Variants in MAP2K6 observed in about 807,000 individuals in gnomAD.
The protein encoded by MAP2K6 is mitogen-activated protein kinase kinase 6.
A neutral mutation model predicts 53.7 loss-of-function variants in MAP2K6; 16 were observed. The observed-to-expected ratio is 0.30, with a 90% CI of 0.20 to 0.45. The LOEUF is 0.45. Among genes scored for constraint, MAP2K6 ranks in the 20% least tolerant of loss-of-function variants. MAP2K6 has a pLI of 1.00. For synonymous variants in MAP2K6, 132 were observed against 143.1 expected, an observed-to-expected ratio of 0.92 and a Z score of 0.55; for missense variants, 204 against 411.9, an observed-to-expected ratio of 0.50 and a Z score of 4.37.
In MAP2K6 at chr17:69,543,028, A is replaced by G. The variant is rs1194342305; in HGVS notation, c.*1275A>G. On this transcript the variant is annotated 3_prime_UTR_variant, in exon 12 of 12. Transcript: ENST00000590474. ...GCAATAGCTGGCTCCTCTATAGGAG[A>G]TGAGCTTCATTGGGAGTTCCTAGCA... is the stretch of plus-strand genomic sequence containing the variant. 6.6e-6 allele frequency: 1 copy of G among 152,186 alleles called. No individual in the cohort carries two copies. The highest frequency in any genetic ancestry group is 1.5e-5 in the Non-Finnish European group (1 of 68,038). The allele number at this position is 152,186 out of a possible 1,614,324, so 9.4% of individuals were successfully genotyped here. A position where few individuals can be genotyped will look rare whatever the true frequency, so the allele number is the denominator to read the frequency against.
intron 1 of MAP2K6, among the ~76,000 whole-genome samples, chr17:69,484,269 G>A (rs1479014290): frequency 6.6e-6 from 1 of 151,824 alleles, no homozygotes; most frequent in Non-Finnish European, 1.5e-5. Context: ...AATGAGTGAA[G>A]GATTTGAACA....
chr17:69,485,032 A>C (rs184722008), intron 1 of MAP2K6, among the ~76,000 whole-genome samples: 8 of 152,282 alleles, frequency 5.3e-5, no homozygotes, highest in Admixed American at 1.3e-4. Flanking sequence ...ACAGCTCTGA[A>C]TATTCTAAAA....
Position 69,520,386 on chromosome 17 carries a change from T to G in MAP2K6, c.483T>G (p.Ser161=). Residue 161 remains serine, a splice_region_variant and synonymous_variant, in exon 6 of 12, where the codon TCT becomes TCG. Transcript: ENST00000590474. The stretch of plus-strand genomic sequence containing the variant: ...ACATCTTAGGGAAAATAGCAGTTTC[T>G]GTGAGTACATTTTGATCCCTACTGC... ...PEDILGKIAV[S]IVKALEHLHS... 6.4e-7 allele frequency: 1 copy of G among 1,555,950 alleles called. No homozygotes were observed. Among genetic ancestry groups the G allele is most frequent in the Non-Finnish European group, 8.8e-7 (1 of 1,132,934 alleles).
chr17:69,542,686 A>G lies in MAP2K6; in HGVS notation c.*933A>G, dbSNP rs1236622667. ...AGCATCTCTGTTTGGTAAGGAGGACAATTGTCAGTTTTGAGGGGGACATGT... is the reference window on the plus strand; with the variant it reads ...AGCATCTCTGTTTGGTAAGGAGGACGATTGTCAGTTTTGAGGGGGACATGT... On this transcript the variant is annotated 3_prime_UTR_variant, in exon 12 of 12. Coordinates refer to ENST00000590474, the MANE Select transcript of MAP2K6 (RefSeq NM_002758.4). 4 of 152,222 alleles carry G rather than the reference A, an allele frequency of 2.6e-5. No individual in the cohort carries two copies. The highest frequency in any genetic ancestry group is 2.6e-4 in the Admixed American group (4 of 15,282). 9.4% of individuals were successfully genotyped at this position (152,222 alleles called of 1,614,324 possible).
At chr17:69,415,123 G>C in intron 1 of MAP2K6, 123 bp downstream of exon 1, 1 of 869,864 alleles carries the variant, frequency 1.1e-6, no homozygotes. Context: ...CAGCTCAGTT[G>C]CATTTCCTGT....
chr17:69,485,413 T>C, intron 1 of MAP2K6: 2 of 934,144 alleles, frequency 2.1e-6, no homozygotes, highest in Non-Finnish European at 2.6e-6. Context: ...GTTGTTTGCC[T>C]GTTTGAATTT....
chr17:69,420,800 A>G (rs566940045), intron 1 of MAP2K6, among the ~76,000 whole-genome samples: 4 of 152,054 alleles, frequency 2.6e-5, no homozygotes, highest in African/African-American at 9.6e-5. Context: ...TTTTGTTGGG[A>G]GCAGTCTGGC....
intron 2 of MAP2K6, among the ~76,000 whole-genome samples, chr17:69,508,752 A>G (rs1261479031): frequency 6.6e-6 from 1 of 152,204 alleles, no homozygotes; most frequent in Non-Finnish European, 1.5e-5. Flanking sequence ...TGCATTTTGC[A>G]TTTAAGCCCA....
At chr17:69,447,384 C>T (rs766770849) in intron 1 of MAP2K6, among the ~76,000 whole-genome samples, 1 of 151,830 alleles carries the variant, frequency 6.6e-6, no homozygotes, top group African/African-American at 2.4e-5. Flanking sequence ...CTTGCTCTGT[C>T]GCCCAGATTG....
chr17:69,475,481 A>T (rs1908121629), intron 1 of MAP2K6, among the ~76,000 whole-genome samples: 1 of 152,134 alleles, frequency 6.6e-6, no homozygotes, highest in African/African-American at 2.4e-5. Context: ...TGTTTGTTTA[A>T]AAATGAAAAT....
intron 1 of MAP2K6, among the ~76,000 whole-genome samples, chr17:69,491,088 A>G (rs910277006): frequency 1.4e-5 from 2 of 146,876 alleles, no homozygotes; most frequent in East Asian, 2.2e-4. Context: ...TTCGTGGTGT[A>G]TATGTACCAC....
chr17:69,465,809 G>A (rs916193523), intron 1 of MAP2K6, among the ~76,000 whole-genome samples: 15 of 151,108 alleles, frequency 9.9e-5, no homozygotes, highest in African/African-American at 3.6e-4. Flanking sequence ...AGTAGAGATG[G>A]GATCTCACCA....
At chr17:69,490,109 G>T (rs547233993) in intron 1 of MAP2K6, among the ~76,000 whole-genome samples, 1 of 152,256 alleles carries the variant, frequency 6.6e-6, no homozygotes, top group East Asian at 1.9e-4. Flanking sequence ...TTTCTTGTTG[G>T]TAGGGAACAT....
At chr17:69,499,834 T>C (rs540250065) in intron 1 of MAP2K6, among the ~76,000 whole-genome samples, 159 of 152,094 alleles carry the variant, frequency 1.0e-3, no homozygotes, top group African/African-American at 3.7e-3. Flanking sequence ...GGAGATCTAT[T>C]GTAGAGAGAG....
At position 69,428,960 on chromosome 17, in the gene MAP2K6, G is replaced by A. The variant is rs373025284; in HGVS notation, c.16+13960G>A. Among the ~76,000 whole-genome samples the A allele has an allele frequency of 6.9e-3, 724 of 104,648 alleles. 3 individuals are homozygous for A. Among genetic ancestry groups the A allele is most frequent in the Non-Finnish European group, 8.9e-3 (436 of 49,100 alleles). The allele number at this position is 104,648 out of a possible 152,430, so 68.7% of individuals were successfully genotyped here. ...CACACACACACACACACACACACAC[G>A]TTGTTGTATTGATTCCCAAAACTGA... On this transcript the variant is annotated intron_variant, in intron 1 of 11. Coordinates refer to ENST00000590474, the MANE Select transcript of MAP2K6 (RefSeq NM_002758.4).
At chr17:69,483,697 C>G (rs1908425987) in intron 1 of MAP2K6, among the ~76,000 whole-genome samples, 1 of 152,082 alleles carries the variant, frequency 6.6e-6, no homozygotes, top group African/African-American at 2.4e-5. Context: ...GATTTCAAAA[C>G]TTACTGAAAG....
intron 1 of MAP2K6, among the ~76,000 whole-genome samples, chr17:69,456,005 C>T (rs965151334): frequency 4.6e-5 from 7 of 151,990 alleles, no homozygotes; most frequent in South Asian, 2.1e-4. Flanking sequence ...GGATTACAGG[C>T]GCGTGCCACA....
intron 1 of MAP2K6, among the ~76,000 whole-genome samples, chr17:69,468,520 G>A (rs904980183): frequency 2.6e-5 from 4 of 152,198 alleles, no homozygotes; most frequent in African/African-American, 9.7e-5. Context: ...TTTATAAACT[G>A]TTGCAAAGGA....
Position 69,517,622 on chromosome 17 carries a change from G to C in MAP2K6, c.246+9G>C. 6.3e-7 allele frequency: 1 copy of C among 1,578,170 alleles called. No individual in the cohort carries two copies. The highest frequency in any genetic ancestry group is 2.3e-5 in the East Asian group (1 of 43,444). On this transcript the variant is annotated intron_variant, in intron 4 of 11. Coordinates refer to ENST00000590474, the MANE Select transcript of MAP2K6 (RefSeq NM_002758.4). ...AGATCATGGCAGTGAAGGTAGAGTT[G>C]ACATTCTCCCAAATGTTTTATATCT...
Sources: gnomAD v4.1 joint callset for allele counts (sites outside exome capture counted in the v4.1 genomes callset) on GRCh38, gnomAD v4.1.1 for gene constraint, MANE v1.5 for transcripts, NCBI Gene and HGNC (gene_info 2026-07-23, HGNC 2026-07-21) for gene names.